Variants in SYT14 observed in about 807,000 individuals in gnomAD.
SYT14 encodes synaptotagmin 14, also known as synaptotagmin-14.
A neutral mutation model predicts 74.2 loss-of-function variants in SYT14; 32 were observed. The ratio of observed to expected loss-of-function variants is 0.43; its 90% CI spans 0.33 to 0.58. SYT14 has a LOEUF of 0.58. Among genes scored for constraint, SYT14 ranks in the 20% least tolerant of loss-of-function variants. The probability of loss-of-function intolerance (pLI) is 0.05; values close to 1 mark genes in which losing one functional copy is unlikely to be tolerated. For synonymous variants in SYT14, 298 were observed against 337.7 expected (o/e 0.88, Z 1.29); for missense variants, 791 against 981.8 (o/e 0.81, Z 2.60).
chr1:210,140,756 T>A (rs1192753399), intron 7 of SYT14, among the ~76,000 whole-genome samples: 1 of 152,062 alleles, frequency 6.6e-6, no homozygotes, highest in Non-Finnish European at 1.5e-5. Flanking sequence ...TGAAAAAAAA[T>A]CTTTTTTTCA....
intron 2 of SYT14, among the ~76,000 whole-genome samples, chr1:209,990,769 A>T (rs2079669775): frequency 1.3e-5 from 2 of 151,682 alleles, no homozygotes; most frequent in South Asian, 4.1e-4. Flanking sequence ...AATTTAAAAA[A>T]TTAGTAAATA....
At chr1:210,135,168 G>T (rs1300354015) in intron 7 of SYT14, among the ~76,000 whole-genome samples, 1 of 152,074 alleles carries the variant, frequency 6.6e-6, no homozygotes, top group East Asian at 1.9e-4. Context: ...TTTTAGTAGA[G>T]ACAGGGTTTT....
intron 7 of SYT14, among the ~76,000 whole-genome samples, chr1:210,147,432 C>T (rs2083064192): frequency 6.6e-6 from 1 of 152,022 alleles, no homozygotes; most frequent in Non-Finnish European, 1.5e-5. Context: ...AAAACTGAGT[C>T]CACACCCATA....
intron 4 of SYT14, 126 bp from the exon 4 acceptor site, chr1:210,020,913 A>G: frequency 1.3e-6 from 1 of 741,528 alleles, no homozygotes; most frequent in East Asian, 2.7e-5. Context: ...GTTTATATAT[A>G]TAACTTCAGC....
chr1:210,161,396 T>G (rs1277234259), exon 10 of SYT14: 3 of 455,904 alleles, frequency 6.6e-6, no homozygotes, highest in African/African-American at 6.0e-5. Context: ...AACCAGAATT[T>G]TAGTTGCAAT....
chr1:210,135,139 C>T (rs1367269450), intron 7 of SYT14, among the ~76,000 whole-genome samples: 4 of 152,098 alleles, frequency 2.6e-5, no homozygotes, highest in African/African-American at 9.7e-5. Context: ...CACCACCACA[C>T]CTGGCTAATT....
chr1:210,065,544 T>C (rs1367621014), intron 5 of SYT14, among the ~76,000 whole-genome samples: 4 of 151,858 alleles, frequency 2.6e-5, no homozygotes, highest in Admixed American at 2.6e-4. Flanking sequence ...GGTATGTCTT[T>C]TTTTTTTAAG....
intron 2 of SYT14, among the ~76,000 whole-genome samples, chr1:209,966,307 C>T (rs1013652166): frequency 6.6e-6 from 1 of 152,166 alleles, no homozygotes; most frequent in Non-Finnish European, 1.5e-5. Flanking sequence ...GATTCATTCG[C>T]TCTTCCAGAC....
At chr1:210,001,809 A>G (rs1014482556) in intron 2 of SYT14, among the ~76,000 whole-genome samples, 3 of 152,162 alleles carry the variant, frequency 2.0e-5, no homozygotes, top group Non-Finnish European at 4.4e-5. Flanking sequence ...ATCAAAGCAG[A>G]GGGGGAACAT....
intron 6 of SYT14, among the ~76,000 whole-genome samples, chr1:210,098,648 A>G (rs922559419): frequency 2.0e-5 from 3 of 151,822 alleles, no homozygotes; most frequent in African/African-American, 7.3e-5. Flanking sequence ...CGTATGAGCT[A>G]TAATAGAGGC....
intron 5 of SYT14, among the ~76,000 whole-genome samples, chr1:210,027,539 T>C (rs896564958): frequency 6.6e-6 from 1 of 152,132 alleles, no homozygotes; most frequent in Non-Finnish European, 1.5e-5. Flanking sequence ...GAGGAGGGGT[T>C]GGTCTTGCTG....
chr1:209,973,195 A>G (rs1183061464), intron 2 of SYT14, among the ~76,000 whole-genome samples: 3 of 150,608 alleles, frequency 2.0e-5, no homozygotes, highest in Non-Finnish European at 4.4e-5. Flanking sequence ...TGTGTGATAG[A>G]TCTTTCATTT....
At chr1:209,956,527 C>T (rs556216931) in intron 2 of SYT14, among the ~76,000 whole-genome samples, 1 of 152,120 alleles carries the variant, frequency 6.6e-6, no homozygotes, top group Admixed American at 6.5e-5. Flanking sequence ...TGGGATAGGC[C>T]TGGAAGGAAA....
rs546489223 is a variant in SYT14, at chr1:210,117,698, A to C, written c.2034+17237A>C. Reference sequence around the variant, plus strand: ...TCACACAAAGAATTGTTATCAGATAAATCTTTTAGTGAAAAGAAGAAACAA... The same window carrying C: ...TCACACAAAGAATTGTTATCAGATACATCTTTTAGTGAAAAGAAGAAACAA... On this transcript the variant is annotated intron_variant, in intron 7 of 9. Transcript: ENST00000637265. 5.1e-4 allele frequency among the ~76,000 whole-genome samples: 77 copies of C among 152,280 alleles called. No individual in the cohort carries two copies. In the South Asian group the frequency reaches 0.016, roughly 31 times the overall value.
chr1:210,069,332 T>C (rs2081352701), intron 5 of SYT14, among the ~76,000 whole-genome samples: 1 of 152,038 alleles, frequency 6.6e-6, no homozygotes, highest in African/African-American at 2.4e-5. Flanking sequence ...CTTTCCTAAA[T>C]ATTCTTTCTG....
intron 2 of SYT14, among the ~76,000 whole-genome samples, chr1:209,981,278 G>C (rs2079479461): frequency 6.6e-6 from 1 of 151,998 alleles, no homozygotes; most frequent in African/African-American, 2.4e-5. Context: ...TCCATGTTTA[G>C]AATTCCATTA....
At chr1:210,163,176 C>T (rs2083407719) in exon 10 of SYT14, 1 of 453,240 alleles carries the variant, frequency 2.2e-6, no homozygotes, top group Non-Finnish European at 4.4e-6. Context: ...TGTAACAGAG[C>T]TTAGTGAAAC....
At chr1:210,032,509 G>A (rs1428321404) in intron 5 of SYT14, among the ~76,000 whole-genome samples, 1 of 151,808 alleles carries the variant, frequency 6.6e-6, no homozygotes, top group Non-Finnish European at 1.5e-5. Flanking sequence ...TCTAAAAATG[G>A]AAGTAAAAAG....
At chr1:209,984,199 C>G (rs2079535221) in intron 2 of SYT14, among the ~76,000 whole-genome samples, 2 of 152,212 alleles carry the variant, frequency 1.3e-5, no homozygotes, top group South Asian at 4.1e-4. Context: ...GTCCTTACTG[C>G]TGATTTTAGC....
Sources: gnomAD v4.1 joint callset for allele counts (sites outside exome capture counted in the v4.1 genomes callset) on GRCh38, gnomAD v4.1.1 for gene constraint, MANE v1.5 for transcripts, NCBI Gene and HGNC (gene_info 2026-07-23, HGNC 2026-07-21) for gene names.